The following NLRP5 variants were observed in gnomAD, a reference collection of about 807,000 sequenced individuals.
The protein encoded by NLRP5 is NACHT, LRR and PYD domains-containing protein 5.
NLRP5 carries 93 observed loss-of-function variants against 113.1 expected under a neutral mutation model. The observed-to-expected ratio is 0.82, with a 90% CI of 0.70 to 0.98. The LOEUF (loss-of-function observed/expected upper bound fraction) is 0.98, where lower values mean the gene tolerates loss of function less well. Ranked by LOEUF, NLRP5 falls within the 50% of genes least tolerant of loss-of-function variation. The pLI, the probability that NLRP5 is intolerant of heterozygous loss-of-function variation, is 0.00. For synonymous variants in NLRP5, 751 were observed against 600.7 expected (o/e 1.25, Z -3.66); for missense variants, 1,808 against 1,514.3 (o/e 1.19, Z -3.22).
chr19:56,003,777 C>A lies in NLRP5; in HGVS notation c.124C>A (p.Gln42Lys). The A allele has an allele frequency of 3.1e-6, 5 of 1,613,864 alleles. No homozygotes were observed. Among genetic ancestry groups the A allele is most frequent in the Non-Finnish European group, 4.2e-6 (5 of 1,179,868 alleles). The change falls in exon 2 of 15, where the codon CAA becomes AAA. Residue 42 changes from glutamine (Q) to lysine (K), a missense_variant. Gln to Lys is a moderately conservative substitution (Grantham distance 53). Coordinates refer to ENST00000390649, the MANE Select transcript of NLRP5 (RefSeq NM_153447.4). ...ATTACCAAAGAATCCACTTTTCCCC[C>A]AAAACCTGAGCTCTCAGCCTTGTAT...
upstream of NLRP5, among the ~76,000 whole-genome samples, chr19:55,998,325 C>T (rs930257857): frequency 6.6e-6 from 1 of 152,076 alleles, no homozygotes; most frequent in Admixed American, 6.6e-5. Context: ...TCACCACACT[C>T]CAGCCTGAGG....
intron 2 of NLRP5, 106 bp from the exon 3 acceptor site, chr19:56,008,682 T>C (rs1365053618): frequency 2.1e-6 from 2 of 942,980 alleles, no homozygotes; most frequent in Admixed American, 4.1e-5. Context: ...TCCTGAGGTT[T>C]GTCTTGGTTC....
chr19:56,053,803 ACT>A lies in NLRP5; in HGVS notation c.3296_3297del (p.Leu1099ArgfsTer10). 6.2e-7 allele frequency: 1 copy of A among 1,612,610 alleles called. No individual in the cohort carries two copies. The highest frequency in any genetic ancestry group is 2.2e-5 in the East Asian group (1 of 44,840). On this transcript the variant is annotated frameshift_variant, in exon 13 of 15. Transcript: ENST00000390649. LOFTEE classifies it high-confidence loss of function. ...AGCAAAAGAACAGTGTTCTGGCGAG[ACT>A]CGGGTAACTTCCTGGGGCGCCTCTT...
At chr19:56,001,526 C>T (rs917101284) in intron 1 of NLRP5, among the ~76,000 whole-genome samples, 1 of 151,958 alleles carries the variant, frequency 6.6e-6, no homozygotes, top group African/African-American at 2.4e-5. Context: ...AAAACTTTCC[C>T]ATGGAAAGAA....
chr19:56,052,244 TTG>T (rs1983956996), intron 12 of NLRP5, among the ~76,000 whole-genome samples: 1 of 150,822 alleles, frequency 6.6e-6, no homozygotes, highest in Admixed American at 6.6e-5. Context: ...GGGTTTTGTT[TTG>T]TTTTGTTTTT....
In NLRP5 at chr19:56,028,231, G is replaced by A; in HGVS notation, c.1998G>A (p.Leu666=). 4.3e-6 allele frequency: 7 copies of A among 1,613,892 alleles called. No homozygotes were observed. Among genetic ancestry groups the A allele is most frequent in the Non-Finnish European group, 5.9e-6 (7 of 1,179,908 alleles). ...CCCTGGGGGTGAAGCAGAAGCTTCT[G>A]CACTGGGTCTCTCTGTTGGGTCAGC... The change falls in exon 7 of 15, where the codon CTG becomes CTA. Residue 666 remains leucine (L), a synonymous_variant. Coordinates refer to ENST00000390649, the MANE Select transcript of NLRP5 (RefSeq NM_153447.4).
In NLRP5 at chr19:56,049,554, C is replaced by T. The variant is rs111462776; in HGVS notation, c.2958-864C>T. Reference sequence around the variant, plus strand: ...CGAACTCTTGACCTGGTGATCCTCCCGCCTTGGCCTCCCAAAGTGCTGCTG... The same window carrying T: ...CGAACTCTTGACCTGGTGATCCTCCTGCCTTGGCCTCCCAAAGTGCTGCTG... On this transcript the variant is annotated intron_variant, in intron 11 of 14. Transcript: ENST00000390649. Among the ~76,000 whole-genome samples the T allele has an allele frequency of 7.4e-3, 1,122 of 151,110 alleles. 16 individuals are homozygous for T. The highest frequency in any genetic ancestry group is 0.025 in the African/African-American group (1,021 of 41,176).
intron 7 of NLRP5, among the ~76,000 whole-genome samples, chr19:56,030,072 T>C (rs1983036366): frequency 7.9e-6 from 1 of 125,960 alleles, no homozygotes; most frequent in East Asian, 2.1e-4. Context: ...AAAAAAAGCC[T>C]CAAATTATCA....
chr19:56,006,193 C>A (rs1981902025), intron 2 of NLRP5, among the ~76,000 whole-genome samples: 2 of 152,032 alleles, frequency 1.3e-5, no homozygotes. Flanking sequence ...CCAAACACCG[C>A]ATGTTGTCAC....
rs1465706335 is a variant in NLRP5, at chr19:56,027,481, G to A, written c.1248G>A (p.Lys416=). 4.3e-6 allele frequency: 7 copies of A among 1,613,908 alleles called. No homozygotes were observed. The highest frequency in any genetic ancestry group is 5.9e-6 in the Non-Finnish European group (7 of 1,179,854). ...CCGTCAGAGACGTGGGCACAGAGAA[G>A]CTCAAGTCAGAGGTCGTGTCTCCCC... The change falls in exon 7 of 15, where the codon AAG becomes AAA. Residue 416 remains lysine, a synonymous_variant. Transcript: ENST00000390649.
the NLRP5 span, among the ~76,000 whole-genome samples, chr19:55,989,162 G>A: frequency 2.6e-5 from 4 of 152,180 alleles, no homozygotes; most frequent in African/African-American, 9.7e-5. Flanking sequence ...GTAATTGTAA[G>A]AATACCTCAA....
At chr19:56,013,607 T>TTTG (rs1568485529) in intron 3 of NLRP5, among the ~76,000 whole-genome samples, 1 of 138,798 alleles carries the variant, frequency 7.2e-6, no homozygotes, top group East Asian at 2.1e-4. Flanking sequence ...TTTTTTTTTT[T>TTTG]TTTTTTTTTT....
chr19:56,028,177 ACTGGAGGTC>A lies in NLRP5; in HGVS notation c.1948_1956del (p.Glu650_Leu652del). 6.2e-7 allele frequency: 1 copy of A among 1,613,996 alleles called. No individual in the cohort carries two copies. Among genetic ancestry groups the A allele is most frequent in the South Asian group, 1.1e-5 (1 of 91,088 alleles). On this transcript the variant is annotated inframe_deletion, in exon 7 of 15. Coordinates refer to ENST00000390649, the MANE Select transcript of NLRP5 (RefSeq NM_153447.4). The stretch of plus-strand genomic sequence containing the variant: ...TCGTGAGCGAAGACGTAAGGAGGCC[ACTGGAGGTC>A]CTGCTGGGCTGTCCCGTTCCCCTGG...
chr19:55,997,791 A>G (rs997146912), upstream of NLRP5, among the ~76,000 whole-genome samples: 58 of 152,084 alleles, frequency 3.8e-4, no homozygotes, highest in African/African-American at 1.0e-3. Context: ...TGACCCCAGA[A>G]GGCAGCAGTT....
intron 6 of NLRP5, among the ~76,000 whole-genome samples, chr19:56,025,702 A>C (rs1225708437): frequency 6.6e-6 from 1 of 151,972 alleles, no homozygotes; most frequent in Non-Finnish European, 1.5e-5. Context: ...GAGCCAGCAC[A>C]TCCGGCCATT....
At chr19:56,014,942 A>G (rs1982348188) in intron 3 of NLRP5, among the ~76,000 whole-genome samples, 1 of 152,192 alleles carries the variant, frequency 6.6e-6, no homozygotes, top group Non-Finnish European at 1.5e-5. Context: ...CTGCAAGCAA[A>G]AAAAGGTAGC....
chr19:56,040,422 G>T (rs1339259980), intron 10 of NLRP5, among the ~76,000 whole-genome samples: 1 of 152,098 alleles, frequency 6.6e-6, no homozygotes, highest in East Asian at 1.9e-4. Flanking sequence ...ACAAAAATTA[G>T]TCAAACATGG....
intron 10 of NLRP5, 51 bp downstream of exon 10, chr19:56,038,246 A>G: frequency 6.5e-7 from 1 of 1,548,562 alleles, no homozygotes; most frequent in Non-Finnish European, 8.9e-7. Flanking sequence ...CACCAGGATT[A>G]TCGTAACTTC....
At chr19:55,992,204 C>T in the NLRP5 span, among the ~76,000 whole-genome samples, 2 of 152,150 alleles carry the variant, frequency 1.3e-5, no homozygotes, top group Non-Finnish European at 1.5e-5. Flanking sequence ...TGATCTCATT[C>T]TTTTTTATGG....
Sources: allele counts gnomAD v4.1 joint callset (sites outside exome capture counted in the v4.1 genomes callset), GRCh38; gene constraint gnomAD v4.1.1; transcripts MANE v1.5; gene names NCBI Gene and HGNC (gene_info 2026-07-23, HGNC 2026-07-21).